Variants in LIX1 observed in about 807,000 individuals in gnomAD.
The protein encoded by LIX1 is protein limb expression 1 homolog.
Under a neutral mutation model 33.4 loss-of-function variants are expected in LIX1, and 24 were observed. That is an observed-to-expected ratio of 0.72 (90% confidence interval 0.52 to 1.01). The LOEUF (loss-of-function observed/expected upper bound fraction) is 1.01. Ranked by LOEUF, LIX1 falls within the 50% of genes least tolerant of loss-of-function variation. The pLI is 0.00. For synonymous variants in LIX1, 124 were observed against 124.0 expected (o/e 1.00, Z 0.00); for missense variants, 311 against 339.2 (o/e 0.92, Z 0.65).
intron 2 of LIX1, among the ~76,000 whole-genome samples, chr5:97,109,345 T>C (rs1298521703): frequency 2.0e-5 from 3 of 152,060 alleles, no homozygotes; most frequent in Non-Finnish European, 4.4e-5. Context: ...CCTCCACTTC[T>C]TGGGCCCAAG....
intron 2 of LIX1, among the ~76,000 whole-genome samples, chr5:97,108,835 G>A (rs1279179607): frequency 1.3e-5 from 2 of 152,146 alleles, no homozygotes; most frequent in Non-Finnish European, 2.9e-5. Flanking sequence ...CAAAATGCAT[G>A]ATTCTCAGAA....
At chr5:97,135,932 C>T (rs1748163912) in intron 1 of LIX1, among the ~76,000 whole-genome samples, 1 of 152,204 alleles carries the variant, frequency 6.6e-6, no homozygotes, top group African/African-American at 2.4e-5. Flanking sequence ...ATCAGTTCTT[C>T]TTAGTCAAAA....
intron 1 of LIX1, among the ~76,000 whole-genome samples, chr5:97,130,455 G>A (rs1445594823): frequency 3.9e-5 from 6 of 152,190 alleles, no homozygotes; most frequent in South Asian, 2.1e-4. Flanking sequence ...GCCATACAGC[G>A]AATCTAGACA....
At chr5:97,121,345 A>T (rs575675039) in intron 2 of LIX1, among the ~76,000 whole-genome samples, 42 of 152,234 alleles carry the variant, frequency 2.8e-4, no homozygotes, top group African/African-American at 9.4e-4. Flanking sequence ...AACTCAAAGA[A>T]AATTGCCTCT....
intron 2 of LIX1, among the ~76,000 whole-genome samples, chr5:97,110,670 C>A (rs1384705026): frequency 6.6e-6 from 1 of 152,092 alleles, no homozygotes; most frequent in Non-Finnish European, 1.5e-5. Flanking sequence ...TCTCGAACTC[C>A]CAACCTCAGG....
chr5:97,137,382 C>T (rs1198415546), intron 1 of LIX1, among the ~76,000 whole-genome samples: 3 of 151,806 alleles, frequency 2.0e-5, no homozygotes, highest in Admixed American at 1.3e-4. Flanking sequence ...AAGAAGCTAC[C>T]TATTTTTTCC....
chr5:97,120,285 G>C (rs1739105615), intron 2 of LIX1, among the ~76,000 whole-genome samples: 1 of 152,118 alleles, frequency 6.6e-6, no homozygotes, highest in Non-Finnish European at 1.5e-5. Context: ...CTTTGGATTT[G>C]TTATTCATTC....
intron 5 of LIX1, among the ~76,000 whole-genome samples, chr5:97,096,335 T>A (rs1470898193): frequency 3.3e-5 from 5 of 152,198 alleles, no homozygotes; most frequent in Non-Finnish European, 7.4e-5. Flanking sequence ...TGCCGGCTTG[T>A]CAGACTTTAT....
intron 1 of LIX1, among the ~76,000 whole-genome samples, chr5:97,124,976 A>G (rs1747882860): frequency 6.6e-6 from 1 of 152,164 alleles, no homozygotes; most frequent in Non-Finnish European, 1.5e-5. Context: ...AAAATTAAAA[A>G]TCTCATTCTG....
chr5:97,137,700 A>G (rs1748201046), intron 1 of LIX1, among the ~76,000 whole-genome samples: 1 of 152,178 alleles, frequency 6.6e-6, no homozygotes, highest in South Asian at 2.1e-4. Context: ...AGCAAGCACT[A>G]TAGGGTTTAT....
intron 2 of LIX1, among the ~76,000 whole-genome samples, chr5:97,119,184 G>A (rs1446936464): frequency 6.6e-6 from 1 of 152,222 alleles, no homozygotes; most frequent in Admixed American, 6.5e-5. Flanking sequence ...CATTGGTGGT[G>A]ACGTCCATGG....
chr5:97,105,392 C>T (rs911503297), intron 3 of LIX1, 107 bp from the exon 4 acceptor site: 1 of 827,984 alleles, frequency 1.2e-6, no homozygotes, highest in South Asian at 1.6e-5. Flanking sequence ...TTTGGTCTAA[C>T]CTGAACAGAT....
At chr5:97,099,687 A>G (rs1030704424) in intron 4 of LIX1, among the ~76,000 whole-genome samples, 1 of 152,164 alleles carries the variant, frequency 6.6e-6, no homozygotes, top group East Asian at 1.9e-4. Flanking sequence ...AAATAAAAAA[A>G]TTAGCCAGGT....
intron 1 of LIX1, among the ~76,000 whole-genome samples, chr5:97,141,166 A>T (rs1748278205): frequency 6.6e-6 from 1 of 152,140 alleles, no homozygotes; most frequent in Admixed American, 6.5e-5. Flanking sequence ...AATGCTCAGC[A>T]TAAGAACCCT....
rs1748316390 is a variant in LIX1 at position 97,142,580 on chromosome 5, GGGTCT to G, written c.-9_-5del. 6.2e-7 allele frequency: 1 copy of G among 1,613,524 alleles called. No individual in the cohort carries two copies. On this transcript the variant is annotated 5_prime_UTR_variant, in exon 1 of 6. Transcript: ENST00000274382. The stretch of plus-strand genomic sequence containing the variant: ...GAGATTCCAAGGTTCTGTCCATCTT[GGGTCT>G]GCCTGTGTGAGCCTCCTGTACAGAG...
At chr5:97,110,461 G>A (rs2112771462) in intron 2 of LIX1, among the ~76,000 whole-genome samples, 1 of 152,096 alleles carries the variant, frequency 6.6e-6, no homozygotes, top group South Asian at 2.1e-4. Flanking sequence ...TTTGTGAGAT[G>A]GAGTTTCACT....
chr5:97,138,798 C>A (rs562628583), intron 1 of LIX1, among the ~76,000 whole-genome samples: 167 of 152,224 alleles, frequency 1.1e-3, no homozygotes, highest in African/African-American at 3.8e-3. Context: ...TCGAGCATCC[C>A]AAATCCAAAA....
At chr5:97,114,957 CAA>C (rs1219115983) in intron 2 of LIX1, among the ~76,000 whole-genome samples, 1 of 152,176 alleles carries the variant, frequency 6.6e-6, no homozygotes, top group East Asian at 1.9e-4. Context: ...TGCTTCTACC[CAA>C]GAGTCAAGGA....
intron 2 of LIX1, among the ~76,000 whole-genome samples, chr5:97,118,381 C>T (rs2112782270): frequency 6.6e-6 from 1 of 152,288 alleles, no homozygotes; most frequent in Non-Finnish European, 1.5e-5. Flanking sequence ...ATAAAATACT[C>T]AAGTTCCCTT....
Sources: gnomAD v4.1 joint callset for allele counts (sites outside exome capture counted in the v4.1 genomes callset) on GRCh38, gnomAD v4.1.1 for gene constraint, MANE v1.5 for transcripts, NCBI Gene and HGNC (gene_info 2026-07-23, HGNC 2026-07-21) for gene names.